The following ATP2C2 variants were observed in gnomAD, a reference collection of about 807,000 sequenced individuals.
ATP2C2 encodes the protein calcium-transporting ATPase type 2C member 2.
ATP2C2 carries 171 observed loss-of-function variants against 110.8 expected under a neutral mutation model. That is an observed-to-expected ratio of 1.54 (90% CI 1.36 to 1.75). The LOEUF is 1.75. Ranked by LOEUF, ATP2C2 falls within the 40% of genes most tolerant of loss-of-function variation. The pLI, the probability that ATP2C2 is intolerant of heterozygous loss-of-function variation, is 0.00. For synonymous variants in ATP2C2, 804 were observed against 508.4 expected (o/e 1.58, Z -7.82); for missense variants, 1,963 against 1,235.0 (o/e 1.59, Z -8.84).
chr16:84,452,105 G>A lies in ATP2C2; in HGVS notation c.1831+14G>A. ...CCTTGGCCATAGGTAACTGGGACAG[G>A]GTCGGGGGTGAGGACGAAAGGACCC... On this transcript the variant is annotated intron_variant, in intron 18 of 26. Coordinates refer to ENST00000262429, the MANE Select transcript of ATP2C2 (RefSeq NM_014861.4). The A allele has an allele frequency of 1.2e-6, 2 of 1,613,686 alleles. No individual in the cohort carries two copies. Among genetic ancestry groups the A allele is most frequent in the Non-Finnish European group, 1.7e-6 (2 of 1,179,866 alleles).
chr16:84,463,739 G>C lies in ATP2C2; in HGVS notation c.*7G>C, dbSNP rs184733492. ...GCACCCTGAAGATGTGTAGTGGACC[G>C]CACTCCGCGGCACCTTCCCTAATCA... On this transcript the variant is annotated 3_prime_UTR_variant, in exon 27 of 27. Transcript: ENST00000262429. 1.9e-6 allele frequency: 3 copies of C among 1,590,468 alleles called. No homozygotes were observed. In the African/African-American group the frequency reaches 4.2e-5, roughly 22 times the overall value.
At chr16:84,381,181 G>A (rs533553904) in intron 1 of ATP2C2, among the ~76,000 whole-genome samples, 2 of 152,296 alleles carry the variant, frequency 1.3e-5, no homozygotes, top group East Asian at 3.9e-4. Context: ...TGCGTGCAGG[G>A]GTGGATCTTT....
In ATP2C2 at chr16:84,451,916, C is replaced by G. The variant is rs1200353111; in HGVS notation, c.1661-5C>G. On this transcript the variant is annotated splice_polypyrimidine_tract_variant and splice_region_variant and intron_variant, in intron 17 of 26. Transcript: ENST00000262429. ...GACCCCTCCTTACTCCCCCTCTCTC[C>G]TCAGTGCTGGCCCTGGCTTCTGGGC... 2 of 1,612,742 alleles carry G rather than the reference C, an allele frequency of 1.2e-6. No homozygotes were observed. The highest frequency in any genetic ancestry group is 2.2e-5 in the East Asian group (1 of 44,886).
chr16:84,462,168 AG>A (rs1185469645), intron 26 of ATP2C2, 39 bp downstream of exon 26: 1 of 1,591,308 alleles, frequency 6.3e-7, no homozygotes, highest in South Asian at 1.1e-5. Context: ...GACCTCGACC[AG>A]GGCCATGGGG....
chr16:84,452,618 C>T (rs1407712423), intron 18 of ATP2C2, among the ~76,000 whole-genome samples: 1 of 151,538 alleles, frequency 6.6e-6, no homozygotes, highest in African/African-American at 2.4e-5. Context: ...CCTGCCTCAG[C>T]CTCCTGAGTA....
chr16:84,395,089 C>T (rs1022539128), intron 1 of ATP2C2, among the ~76,000 whole-genome samples: 4 of 152,094 alleles, frequency 2.6e-5, no homozygotes, highest in Non-Finnish European at 5.9e-5. Flanking sequence ...TTTTGGGTCT[C>T]GTGAACTGTG....
chr16:84,428,166 G>T (rs576893731), intron 11 of ATP2C2, among the ~76,000 whole-genome samples: 1 of 152,340 alleles, frequency 6.6e-6, no homozygotes, highest in South Asian at 2.1e-4. Context: ...CTGCTGGCCA[G>T]TGTGGGCAAG....
rs1457749233 is a variant in ATP2C2, at chr16:84,415,383, A to G, written c.516-100A>G. On this transcript the variant is annotated intron_variant, in intron 6 of 26. Coordinates refer to ENST00000262429, the MANE Select transcript of ATP2C2 (RefSeq NM_014861.4). ...AGGCACAGGGTTGGTGTATATTAAA[A>G]GAGAAAAGTGTGTTTCTATTCTCCT... is the stretch of plus-strand genomic sequence containing the variant. The G allele has an allele frequency of 3.0e-6, 3 of 995,128 alleles. No homozygotes were observed. The African/African-American group carries it at 4.8e-5, about 16-fold the overall frequency. 61.6% of individuals were successfully genotyped at this position (995,128 alleles called of 1,614,324 possible).
intron 6 of ATP2C2, among the ~76,000 whole-genome samples, chr16:84,412,294 G>GTC (rs895613972): frequency 6.9e-4 from 47 of 68,078 alleles, no homozygotes; most frequent in Non-Finnish European, 3.4e-4. Context: ...GCACGTATGT[G>GTC]TGTGTGTGAG....
intron 1 of ATP2C2, among the ~76,000 whole-genome samples, chr16:84,392,600 T>C (rs950459667): frequency 2.0e-5 from 3 of 152,148 alleles, no homozygotes; most frequent in African/African-American, 7.2e-5. Context: ...GTAGCTGGGA[T>C]TACAGGTGCC....
intron 2 of ATP2C2, among the ~76,000 whole-genome samples, chr16:84,401,880 T>C (rs1905347540): frequency 6.6e-6 from 1 of 152,150 alleles, no homozygotes; most frequent in African/African-American, 2.4e-5. Context: ...GTCATTGTTA[T>C]TTTAATAGGG....
At position 84,425,740 on chromosome 16, in the gene ATP2C2, A is replaced by T. The variant is rs1907752548; in HGVS notation, c.925A>T (p.Ile309Phe). 1.2e-6 allele frequency: 2 copies of T among 1,613,994 alleles called. No homozygotes were observed. The highest frequency in any genetic ancestry group is 1.7e-6 in the Non-Finnish European group (2 of 1,179,988). Residue 309 changes from isoleucine (I) to phenylalanine (F), a missense_variant, in exon 11 of 27, where the codon ATC (isoleucine) becomes TTC (phenylalanine). Coordinates refer to ENST00000262429, the MANE Select transcript of ATP2C2 (RefSeq NM_014861.4). Reference protein sequence around the residue: ...TLFSFGIIGLIMLIGWSQGKQ... With the variant: ...TLFSFGIIGLFMLIGWSQGKQ... ...TGTTTTTGTCTCTTCCCCAGGTCTC[A>T]TCATGCTCATTGGCTGGTCGCAAGG...
At chr16:84,371,229 T>C (rs1219008112) in intron 1 of ATP2C2, among the ~76,000 whole-genome samples, 1 of 152,028 alleles carries the variant, frequency 6.6e-6, no homozygotes, top group African/African-American at 2.4e-5. Flanking sequence ...GAAAGAAAGG[T>C]GTTTGAGCCG....
chr16:84,389,893 T>C (rs1027110334), intron 1 of ATP2C2, among the ~76,000 whole-genome samples: 1 of 152,056 alleles, frequency 6.6e-6, no homozygotes, highest in African/African-American at 2.4e-5. Flanking sequence ...GCTAACTTTT[T>C]TGTATTTTTA....
chr16:84,459,368 A>G lies in ATP2C2; in HGVS notation c.2315A>G (p.Asp772Gly). The change falls in exon 23 of 27, where the codon GAT (aspartate) becomes GGT (glycine). Residue 772 changes from aspartate (D) to glycine (G), a missense_variant. Coordinates refer to ENST00000262429, the MANE Select transcript of ATP2C2 (RefSeq NM_014861.4). ...MQILWINIIM[D>G]GPPAQSLGVE... ...ATCCTATGGATCAACATCATCATGG[A>G]TGGGCCACCGGCGCAGAGGTGAGGC... 7 of 1,614,136 alleles carry G rather than the reference A, an allele frequency of 4.3e-6. No individual in the cohort carries two copies. The highest frequency in any genetic ancestry group is 5.1e-6 in the Non-Finnish European group (6 of 1,180,010).
At chr16:84,440,208 C>A (rs1471553393) in intron 13 of ATP2C2, among the ~76,000 whole-genome samples, 1 of 152,264 alleles carries the variant, frequency 6.6e-6, no homozygotes, top group Non-Finnish European at 1.5e-5. Flanking sequence ...TCATGGCTCA[C>A]TGCAGCCTCT....
intron 24 of ATP2C2, 53 bp from the exon 25 acceptor site, chr16:84,461,661 G>T: frequency 6.5e-7 from 1 of 1,530,754 alleles, no homozygotes; most frequent in Non-Finnish European, 9.1e-7. Context: ...TTTGGTTCAG[G>T]ATGGAGGTTG....
At chr16:84,405,474 C>T (rs1333383769) in intron 3 of ATP2C2, among the ~76,000 whole-genome samples, 1 of 148,360 alleles carries the variant, frequency 6.7e-6, no homozygotes, top group African/African-American at 2.4e-5. Context: ...CCCCGGGCCC[C>T]ACGCTATATG....
chr16:84,368,902 C>T (rs1909791013), intron 1 of ATP2C2, among the ~76,000 whole-genome samples, 188 bp downstream of exon 1: 2 of 152,230 alleles, frequency 1.3e-5, no homozygotes, highest in African/African-American at 4.8e-5. Flanking sequence ...GGGAGCTCAG[C>T]ATGGAACCCT....
Sources: allele counts gnomAD v4.1 joint callset (sites outside exome capture counted in the v4.1 genomes callset), GRCh38; gene constraint gnomAD v4.1.1; transcripts MANE v1.5; gene names NCBI Gene and HGNC (gene_info 2026-07-23, HGNC 2026-07-21).